Variants in H6PD observed in about 807,000 individuals in gnomAD.
H6PD encodes hexose-6-phosphate dehydrogenase/glucose 1-dehydrogenase.
In H6PD, 48 loss-of-function variants were observed where a neutral mutation model predicts 61.2. That is an observed-to-expected ratio of 0.78 (90% CI 0.62 to 1.00). H6PD has a LOEUF of 1.00. Ranked by LOEUF, H6PD falls within the 50% of genes least tolerant of loss-of-function variation. The probability of loss-of-function intolerance (pLI) is 0.00; values close to 1 mark genes in which losing one functional copy is unlikely to be tolerated. For missense variants in H6PD, 1,093 were observed against 1,065.0 expected (o/e 1.03, Z -0.37); for synonymous variants, 480 against 457.9 (o/e 1.05, Z -0.62).
Position 9,240,086 on chromosome 1 carries a change from C to T in H6PD, c.-10-4839C>T, listed in dbSNP as rs1570076989. On this transcript the variant is annotated intron_variant, in intron 1 of 4. Coordinates refer to ENST00000377403, the MANE Select transcript of H6PD (RefSeq NM_004285.4). Reference sequence around the variant, plus strand: ...AGAGTTGGAGACAGTGAAGGGTGCCCAGGACTGGGTTCACGTGCCTGCAGT... The same window carrying T: ...AGAGTTGGAGACAGTGAAGGGTGCCTAGGACTGGGTTCACGTGCCTGCAGT... 10 of 1,043,470 alleles carry T rather than the reference C, an allele frequency of 9.6e-6. No homozygotes were observed. The South Asian group carries it at 1.9e-4, about 20-fold the overall frequency. 64.6% of individuals were successfully genotyped at this position (1,043,470 alleles called of 1,614,324 possible).
At chr1:9,252,891 G>T (rs949950819) in intron 3 of H6PD, among the ~76,000 whole-genome samples, 5 of 152,092 alleles carry the variant, frequency 3.3e-5, no homozygotes, top group Admixed American at 2.0e-4. Context: ...TTTACAGGGG[G>T]TCTTTCCTCC....
At chr1:9,258,249 GTGT>G (rs756239142) in intron 3 of H6PD, among the ~76,000 whole-genome samples, 1 of 151,590 alleles carries the variant, frequency 6.6e-6, no homozygotes, top group Non-Finnish European at 1.5e-5. Context: ...TGTTATGTTG[GTGT>G]TGTTACATCA....
chr1:9,261,671 GC>G (rs1289765465), intron 3 of H6PD, among the ~76,000 whole-genome samples: 1 of 152,216 alleles, frequency 6.6e-6, no homozygotes, highest in Non-Finnish European at 1.5e-5. Context: ...GGGTGCTGCA[GC>G]CCCCGCCATG....
intron 4 of H6PD, among the ~76,000 whole-genome samples, chr1:9,262,898 C>T (rs1010090566): frequency 2.1e-4 from 32 of 152,254 alleles, no homozygotes; most frequent in East Asian, 3.9e-4. Flanking sequence ...CCATTAGCCC[C>T]GTTTTACAGG....
At position 9,262,156 on chromosome 1, in the gene H6PD, C is replaced by T; in HGVS notation, c.843C>T (p.His281=). ...CCCTCGTGGCCATGGAGCTGCCCCA[C>T]AATGTCAGCAGTGCGGAGGCTGTGC... is the stretch of plus-strand genomic sequence containing the variant. ...VLTLVAMELP[H]NVSSAEAVLR... The change falls in exon 4 of 5, where the codon CAC becomes CAT. Residue 281 remains histidine, a synonymous_variant. Coordinates refer to ENST00000377403, the MANE Select transcript of H6PD (RefSeq NM_004285.4). 6.2e-7 allele frequency: 1 copy of T among 1,614,256 alleles called. No individual in the cohort carries two copies. Among genetic ancestry groups the T allele is most frequent in the East Asian group, 2.2e-5 (1 of 44,886 alleles).
intron 3 of H6PD, among the ~76,000 whole-genome samples, chr1:9,258,254 GTTACATCAGTGTTGTTACGTTGCTGT>G (rs1196152316): frequency 8.3e-5 from 5 of 60,252 alleles, no homozygotes; most frequent in Non-Finnish European, 2.1e-4. Context: ...TGTTGGTGTT[GTTACATCAGTGTTGTTACGTTGCTGT>G]TGTTACACCC....
At chr1:9,246,584 A>C (rs1641181915) in intron 2 of H6PD, among the ~76,000 whole-genome samples, 2 of 152,204 alleles carry the variant, frequency 1.3e-5, no homozygotes, top group African/African-American at 4.8e-5. Context: ...GGGTCCTCAG[A>C]ACTGGGCCAG....
chr1:9,249,514 A>G (rs1245560158), intron 3 of H6PD, among the ~76,000 whole-genome samples: 1 of 152,132 alleles, frequency 6.6e-6, no homozygotes, highest in Non-Finnish European at 1.5e-5. Context: ...TGCAGGGACT[A>G]AAGGAGGCCC....
rs199663762 is a variant in H6PD at position 9,263,660 on chromosome 1, G to A, written c.1167G>A (p.Ala389=). 245 of 1,614,128 alleles carry A rather than the reference G, an allele frequency of 1.5e-4. No homozygotes were observed. Among genetic ancestry groups the A allele is most frequent in the Admixed American group, 5.8e-4 (35 of 60,032 alleles). The change falls in exon 5 of 5, where the codon GCG becomes GCA. Residue 389 remains alanine (A), a synonymous_variant. Coordinates refer to ENST00000377403, the MANE Select transcript of H6PD (RefSeq NM_004285.4). ...CVQSEKHWAA[A]QSQCLPRQLV... ...AGAGCGAAAAGCACTGGGCCGCGGC[G>A]CAGAGCCAGTGCCTGCCCCGGCAGC...
In H6PD at chr1:9,262,193, C is replaced by T; in HGVS notation, c.880C>T (p.Leu294Phe). ...SSAEAVLRHK[L>F]QVFQALRGLQ... ...TGCGGAGGCTGTGCTGCGGCACAAG[C>T]TTCAGGTCTTCCAGGCGCTGCGGGG... The change falls in exon 4 of 5, where the codon CTT becomes TTT. Residue 294 changes from leucine (L) to phenylalanine (F), a missense_variant. Transcript: ENST00000377403. The T allele has an allele frequency of 6.2e-7, 1 of 1,614,238 alleles. No individual in the cohort carries two copies. Among genetic ancestry groups the T allele is most frequent in the Non-Finnish European group, 8.5e-7 (1 of 1,180,040 alleles).
intron 3 of H6PD, among the ~76,000 whole-genome samples, chr1:9,258,718 C>T (rs915792968): frequency 7.9e-5 from 12 of 151,512 alleles, no homozygotes; most frequent in Admixed American, 3.9e-4. Context: ...GTTGTTACAC[C>T]GGTGTTGTTA....
chr1:9,258,459 T>C (rs548395097), intron 3 of H6PD, among the ~76,000 whole-genome samples: 70 of 152,348 alleles, frequency 4.6e-4, no homozygotes, highest in African/African-American at 1.6e-3. Context: ...ACCAGTGTTA[T>C]GTTGTTGTTA....
intron 1 of H6PD, among the ~76,000 whole-genome samples, chr1:9,244,040 T>G (rs1641084212): frequency 6.6e-6 from 1 of 152,154 alleles, no homozygotes; most frequent in Admixed American, 6.5e-5. Flanking sequence ...GCTTTTCCAT[T>G]TGCAGAATGG....
chr1:9,268,621 T>A lies in H6PD; in HGVS notation c.*3752T>A, dbSNP rs894520308. The A allele has an allele frequency of 6.6e-6, 1 of 152,246 alleles. No homozygotes were observed. Among genetic ancestry groups the A allele is most frequent in the Non-Finnish European group, 1.5e-5 (1 of 68,034 alleles). 9.4% of individuals were successfully genotyped at this position (152,246 alleles called of 1,614,324 possible). On this transcript the variant is annotated 3_prime_UTR_variant, in exon 5 of 5. Transcript: ENST00000377403. ...TTCTCCTGCTAACTGCAAGTTAAAATAGGCCCTTCTTACTGAATTTCCCTG... is the reference window on the plus strand; with the variant it reads ...TTCTCCTGCTAACTGCAAGTTAAAAAAGGCCCTTCTTACTGAATTTCCCTG...
At chr1:9,242,043 T>A (rs1641014220) in intron 1 of H6PD, among the ~76,000 whole-genome samples, 1 of 152,200 alleles carries the variant, frequency 6.6e-6, no homozygotes. Flanking sequence ...CATTTGAGAC[T>A]GTTTCGAAAC....
Position 9,264,042 on chromosome 1 carries a change from A to G in H6PD, c.1549A>G (p.Ser517Gly). 1 of 1,613,936 alleles carries G rather than the reference A, an allele frequency of 6.2e-7. No homozygotes were observed. The highest frequency in any genetic ancestry group is 1.1e-5 in the South Asian group (1 of 91,088). ...NGRLLDFEFS[S>G]GRLFFSQQQP... ...CCGTCTGTTGGACTTTGAGTTCAGT[A>G]GCGGCCGGTTGTTCTTTTCCCAGCA... Residue 517 changes from serine (S) to glycine (G), a missense_variant, in exon 5 of 5, where the codon AGC (serine) becomes GGC (glycine). Transcript: ENST00000377403.
chr1:9,264,879 T>C lies in H6PD; in HGVS notation c.*10T>C. ...CGCCTTCCTGGGATGAGGGCGCCTG[T>C]GCCCCTTGCCCGCTTCGCTCCTGTG... On this transcript the variant is annotated 3_prime_UTR_variant, in exon 5 of 5. Transcript: ENST00000377403. 2 of 1,610,584 alleles carry C rather than the reference T, an allele frequency of 1.2e-6. No individual in the cohort carries two copies. Among genetic ancestry groups the C allele is most frequent in the Non-Finnish European group, 1.7e-6 (2 of 1,179,906 alleles).
chr1:9,244,351 T>G (rs889252079), intron 1 of H6PD, among the ~76,000 whole-genome samples: 1 of 152,220 alleles, frequency 6.6e-6, no homozygotes, highest in Non-Finnish European at 1.5e-5. Context: ...GGGGTTGAGC[T>G]GGGATTCAAA....
intron 3 of H6PD, among the ~76,000 whole-genome samples, chr1:9,252,089 G>A (rs1462658127): frequency 3.3e-5 from 5 of 152,116 alleles, no homozygotes; most frequent in African/African-American, 9.7e-5. Flanking sequence ...AAATGGAAGT[G>A]TTGTTGTTCT....
Sources: gnomAD v4.1 joint callset for allele counts (sites outside exome capture counted in the v4.1 genomes callset) on GRCh38, gnomAD v4.1.1 for gene constraint, MANE v1.5 for transcripts, NCBI Gene and HGNC (gene_info 2026-07-23, HGNC 2026-07-21) for gene names.